Variants in TMEM177 observed in about 807,000 individuals in gnomAD.
The protein encoded by TMEM177 is transmembrane protein 177.
In TMEM177, 4 loss-of-function variants were observed where a neutral mutation model predicts 14.2. The observed-to-expected ratio is 0.28, with a 90% CI of 0.14 to 0.64. The LOEUF is 0.64. Among genes scored for constraint, TMEM177 ranks in the 30% least tolerant of loss-of-function variants. The pLI is 0.82. For missense variants in TMEM177, 344 were observed against 405.2 expected, an observed-to-expected ratio of 0.85 and a Z score of 1.30; for synonymous variants, 179 against 174.5, an observed-to-expected ratio of 1.03 and a Z score of -0.20.
the TMEM177 span, among the ~76,000 whole-genome samples, chr2:119,706,388 A>G: frequency 6.6e-6 from 1 of 152,130 alleles, no homozygotes; most frequent in East Asian, 1.9e-4. Context: ...CCTCACCACT[A>G]GGAGTCTTCA....
At chr2:119,686,624 T>C (rs1689019806), downstream of TMEM177, 1 of 152,444 alleles carries the variant, frequency 6.6e-6, no homozygotes. Context: ...CTTTTCTTTT[T>C]CTTTTGAGAA....
the TMEM177 span, among the ~76,000 whole-genome samples, chr2:119,713,021 G>T: frequency 9.4e-4 from 143 of 151,742 alleles, 1 homozygote; most frequent in African/African-American, 3.3e-3. Context: ...CACACATAAA[G>T]CATGAAGATT....
chr2:119,694,960 C>T, the TMEM177 span, among the ~76,000 whole-genome samples: 3 of 152,178 alleles, frequency 2.0e-5, no homozygotes, highest in Non-Finnish European at 2.9e-5. Flanking sequence ...GCTAGAAGGA[C>T]GTGTGGAGTG....
chr2:119,713,634 G>T, the TMEM177 span, among the ~76,000 whole-genome samples: 2 of 152,144 alleles, frequency 1.3e-5, no homozygotes, highest in East Asian at 3.9e-4. Flanking sequence ...AAGGCCAGTA[G>T]TTCCAGACTA....
chr2:119,685,386 A>G (rs181870139), downstream of TMEM177, among the ~76,000 whole-genome samples: 108 of 151,966 alleles, frequency 7.1e-4, no homozygotes, highest in East Asian at 0.018. Flanking sequence ...CCACAATGCA[A>G]GGTTCCACTC....
the TMEM177 span, among the ~76,000 whole-genome samples, chr2:119,712,919 G>A: frequency 6.6e-6 from 1 of 152,274 alleles, no homozygotes; most frequent in African/African-American, 2.4e-5. Context: ...TTGTTGAGCA[G>A]GGGGTAAATC....
chr2:119,683,134 T>C (rs10185832), downstream of TMEM177, among the ~76,000 whole-genome samples: 147,533 of 152,322 alleles, frequency 0.97, 71,473 homozygotes, highest in East Asian at 1. Context: ...AGTGAGCCAG[T>C]GGGGCTGCAG....
downstream of TMEM177, among the ~76,000 whole-genome samples, chr2:119,691,133 G>A (rs538592254): frequency 2.2e-4 from 34 of 152,252 alleles, 1 homozygote; most frequent in Admixed American, 3.3e-4. Flanking sequence ...TGCCCTTGCC[G>A]GGGGGCAAAT....
the TMEM177 span, among the ~76,000 whole-genome samples, chr2:119,704,090 C>A: frequency 6.6e-6 from 1 of 152,204 alleles, no homozygotes; most frequent in Non-Finnish European, 1.5e-5. Flanking sequence ...TAAACCCTCA[C>A]AGCAATGCAG....
the TMEM177 span, among the ~76,000 whole-genome samples, chr2:119,693,858 T>TG: frequency 6.0e-4 from 2 of 3,348 alleles, no homozygotes; most frequent in Non-Finnish European, 6.1e-4. Context: ...ACCACACACA[T>TG]CACATGCCAC....
downstream of TMEM177, among the ~76,000 whole-genome samples, chr2:119,691,424 G>A (rs572639913): frequency 4.2e-4 from 64 of 152,168 alleles, no homozygotes; most frequent in Non-Finnish European, 7.8e-4. Context: ...TTGTCAAGCA[G>A]TGACTGAATT....
At chr2:119,705,560 G>C in the TMEM177 span, among the ~76,000 whole-genome samples, 2 of 151,520 alleles carry the variant, frequency 1.3e-5, no homozygotes, top group East Asian at 1.9e-4. Context: ...CAACATGGCA[G>C]CTTACTTCCA....
the TMEM177 span, chr2:119,699,965 A>T: frequency 2.6e-6 from 1 of 380,512 alleles, no homozygotes; most frequent in South Asian, 2.2e-5. Flanking sequence ...CAGGTGAATA[A>T]AGCACGTAAA....
At chr2:119,710,972 G>A in the TMEM177 span, among the ~76,000 whole-genome samples, 3 of 152,098 alleles carry the variant, frequency 2.0e-5, no homozygotes, top group Non-Finnish European at 4.4e-5. Flanking sequence ...AAGAGGCTAC[G>A]ATCAAATGCC....
chr2:119,699,197 G>T, the TMEM177 span: 1 of 154,008 alleles, frequency 6.5e-6, no homozygotes, highest in South Asian at 1.8e-4. Context: ...AGCATGGCTG[G>T]GGAAGCCGCA....
the TMEM177 span, among the ~76,000 whole-genome samples, chr2:119,694,789 G>A: frequency 6.6e-6 from 1 of 152,244 alleles, no homozygotes; most frequent in Non-Finnish European, 1.5e-5. Flanking sequence ...ATGTGCTTGT[G>A]TCAGGGCAAT....
chr2:119,693,350 G>A, the TMEM177 span, among the ~76,000 whole-genome samples: 13 of 152,184 alleles, frequency 8.5e-5, no homozygotes, highest in African/African-American at 2.2e-4. Flanking sequence ...TCAGTCATGC[G>A]GTCACTGTTC....
downstream of TMEM177, among the ~76,000 whole-genome samples, chr2:119,685,208 G>GC (rs1212003276): frequency 1.6e-4 from 2 of 12,534 alleles, no homozygotes; most frequent in African/African-American, 3.1e-4. Flanking sequence ...CCCCTCCTCA[G>GC]CCCGCCCCCC....
the TMEM177 span, among the ~76,000 whole-genome samples, chr2:119,722,772 A>C: frequency 6.6e-6 from 1 of 152,260 alleles, no homozygotes; most frequent in Non-Finnish European, 1.5e-5. Context: ...GGGTGAGTGC[A>C]GTGCTTGCCG....
Sources: gnomAD v4.1 joint callset for allele counts (sites outside exome capture counted in the v4.1 genomes callset) on GRCh38, gnomAD v4.1.1 for gene constraint, MANE v1.5 for transcripts, NCBI Gene and HGNC (gene_info 2026-07-23, HGNC 2026-07-21) for gene names.